The following SORCS2 variants were observed in gnomAD, a reference collection of about 807,000 sequenced individuals.
SORCS2 encodes sortilin related VPS10 domain containing receptor 2.
A neutral mutation model predicts 141.6 loss-of-function variants in SORCS2; 100 were observed. The ratio of observed to expected loss-of-function variants is 0.71; its 90% CI spans 0.60 to 0.83. The LOEUF (loss-of-function observed/expected upper bound fraction) is 0.83, where lower values mean the gene tolerates loss of function less well. Among genes scored for constraint, SORCS2 ranks in the 40% least tolerant of loss-of-function variants. The pLI, the probability that SORCS2 is intolerant of heterozygous loss-of-function variation, is 0.00. For synonymous variants in SORCS2, 789 were observed against 676.9 expected, an observed-to-expected ratio of 1.17 and a Z score of -2.57; for missense variants, 1,646 against 1,560.2, an observed-to-expected ratio of 1.05 and a Z score of -0.93.
At chr4:7,330,175 T>C (rs1253301859) in intron 1 of SORCS2, among the ~76,000 whole-genome samples, 1 of 151,662 alleles carries the variant, frequency 6.6e-6, no homozygotes, top group East Asian at 2.0e-4. Flanking sequence ...TTCCTCCTGC[T>C]CTACAGGGAC....
intron 1 of SORCS2, among the ~76,000 whole-genome samples, chr4:7,387,739 C>T (rs1359852742): frequency 6.7e-6 from 1 of 148,500 alleles, no homozygotes; most frequent in African/African-American, 2.5e-5. Flanking sequence ...CATTTGCACA[C>T]ATGCACACAC....
chr4:7,486,267 C>T (rs1730975202), intron 2 of SORCS2, among the ~76,000 whole-genome samples: 1 of 152,280 alleles, frequency 6.6e-6, no homozygotes, highest in Non-Finnish European at 1.5e-5. Flanking sequence ...ACAGCCCAAC[C>T]TGAGGGCTGG....
chr4:7,675,397 C>G (rs908595654), intron 8 of SORCS2, among the ~76,000 whole-genome samples: 2 of 152,142 alleles, frequency 1.3e-5, no homozygotes, highest in East Asian at 3.9e-4. Flanking sequence ...TGGCAGGGAC[C>G]GGCACAGGGG....
Position 7,683,001 on chromosome 4 carries a change from A to G in SORCS2, c.1488+112A>G, listed in dbSNP as rs1723624888. The G allele has an allele frequency of 4.6e-6, 6 of 1,309,234 alleles. 1 individual carries two copies. The highest frequency in any genetic ancestry group is 5.3e-4 in the Middle Eastern group (2 of 3,748). 81.1% of individuals were successfully genotyped at this position (1,309,234 alleles called of 1,614,324 possible). A position where few individuals can be genotyped will look rare whatever the true frequency, so the allele number is the denominator to read the frequency against. On this transcript the variant is annotated intron_variant, in intron 10 of 26. Coordinates refer to ENST00000507866, the MANE Select transcript of SORCS2 (RefSeq NM_020777.3). Reference sequence around the variant, plus strand: ...GTCTGAGAAGGACCATCTGAGACACATGAACCACCTATTTCTGCTGGGTGT... The same window carrying G: ...GTCTGAGAAGGACCATCTGAGACACGTGAACCACCTATTTCTGCTGGGTGT...
intron 3 of SORCS2, among the ~76,000 whole-genome samples, chr4:7,602,736 T>A (rs1175930219): frequency 6.6e-6 from 1 of 151,610 alleles, no homozygotes. Context: ...GCAGAGACGC[T>A]CCTCACTTCC....
At chr4:7,570,607 G>T (rs1438018901) in intron 3 of SORCS2, among the ~76,000 whole-genome samples, 1 of 152,246 alleles carries the variant, frequency 6.6e-6, no homozygotes, top group Admixed American at 6.5e-5. Flanking sequence ...CCATGGAAAT[G>T]GGAGGTGGGG....
At chr4:7,413,391 C>CTTTTTTTTTTTGTTTT (rs1725451874) in intron 2 of SORCS2, among the ~76,000 whole-genome samples, 1 of 84,836 alleles carries the variant, frequency 1.2e-5, no homozygotes, top group Non-Finnish European at 2.2e-5. Flanking sequence ...TTCACAGCTG[C>CTTTTTTTTTTTGTTTT]TTTTTTTTTT....
At chr4:7,243,581 C>A (rs935313262) in intron 1 of SORCS2, among the ~76,000 whole-genome samples, 2 of 152,208 alleles carry the variant, frequency 1.3e-5, no homozygotes, top group Non-Finnish European at 2.9e-5. Flanking sequence ...TGATGACACC[C>A]GTGAAACACC....
intron 3 of SORCS2, among the ~76,000 whole-genome samples, chr4:7,540,844 T>G (rs984095187): frequency 6.6e-6 from 1 of 152,218 alleles, no homozygotes; most frequent in Non-Finnish European, 1.5e-5. Context: ...TCATGTGGAC[T>G]GTTAAATGGG....
intron 1 of SORCS2, among the ~76,000 whole-genome samples, chr4:7,360,394 T>C (rs1473641253): frequency 6.6e-6 from 1 of 151,824 alleles, no homozygotes; most frequent in Non-Finnish European, 1.5e-5. Context: ...GGAGGTCCTT[T>C]GCCACACCCC....
At chr4:7,440,822 C>T (rs1373798801) in intron 2 of SORCS2, among the ~76,000 whole-genome samples, 1 of 152,212 alleles carries the variant, frequency 6.6e-6, no homozygotes, top group Non-Finnish European at 1.5e-5. Flanking sequence ...TCACGGGTCA[C>T]TCATTTCACG....
At chr4:7,218,852 C>T (rs1184271699) in intron 1 of SORCS2, among the ~76,000 whole-genome samples, 1 of 152,222 alleles carries the variant, frequency 6.6e-6, no homozygotes, top group Non-Finnish European at 1.5e-5. Flanking sequence ...TTTCCCAGCA[C>T]ACTCAAGATA....
chr4:7,231,642 C>T (rs570324594), intron 1 of SORCS2, among the ~76,000 whole-genome samples: 1 of 152,202 alleles, frequency 6.6e-6, no homozygotes, highest in Non-Finnish European at 1.5e-5. Flanking sequence ...AACGGGGCAG[C>T]CTACTGAAGC....
intron 11 of SORCS2, among the ~76,000 whole-genome samples, chr4:7,694,170 T>C (rs1411471310): frequency 6.6e-6 from 1 of 152,200 alleles, no homozygotes; most frequent in East Asian, 1.9e-4. Context: ...CATGTCTTCA[T>C]TCAGTGAGCA....
chr4:7,724,193 G>T (rs1352412208), intron 19 of SORCS2, among the ~76,000 whole-genome samples: 2 of 141,246 alleles, frequency 1.4e-5, no homozygotes, highest in Non-Finnish European at 3.0e-5. Context: ...AGTACTGGTG[G>T]TGGTGGTGAT....
intron 2 of SORCS2, among the ~76,000 whole-genome samples, chr4:7,530,569 T>C (rs1181705617): frequency 6.6e-6 from 1 of 152,242 alleles, no homozygotes; most frequent in Non-Finnish European, 1.5e-5. Flanking sequence ...TGTGAAATGC[T>C]TCCCCGAGCA....
At chr4:7,613,197 T>G (rs1718535904) in intron 3 of SORCS2, among the ~76,000 whole-genome samples, 1 of 152,234 alleles carries the variant, frequency 6.6e-6, no homozygotes, top group African/African-American at 2.4e-5. Context: ...CCAGCCTAGG[T>G]CTGCTGCCCA....
intron 2 of SORCS2, among the ~76,000 whole-genome samples, chr4:7,401,225 G>A (rs2040978079): frequency 6.6e-6 from 1 of 151,880 alleles, no homozygotes; most frequent in Non-Finnish European, 1.5e-5. Flanking sequence ...GTGGGTGGAT[G>A]GATGGATGGA....
At chr4:7,650,817 G>A (rs557786387) in intron 4 of SORCS2, among the ~76,000 whole-genome samples, 3 of 150,002 alleles carry the variant, frequency 2.0e-5, no homozygotes, top group African/African-American at 4.9e-5. Flanking sequence ...CGGCGCCAGC[G>A]ACCTCTCCTG....
Sources: gnomAD v4.1 joint callset for allele counts (sites outside exome capture counted in the v4.1 genomes callset) on GRCh38, gnomAD v4.1.1 for gene constraint, MANE v1.5 for transcripts, NCBI Gene and HGNC (gene_info 2026-07-23, HGNC 2026-07-21) for gene names.